Variants in CDC42BPA observed in about 807,000 individuals in gnomAD.
CDC42BPA encodes the protein serine/threonine-protein kinase MRCK alpha.
Under a neutral mutation model 223.5 loss-of-function variants are expected in CDC42BPA, and 80 were observed. The ratio of observed to expected loss-of-function variants is 0.36; its 90% CI spans 0.30 to 0.43. The LOEUF is 0.43. Ranked by LOEUF, CDC42BPA falls within the 20% of genes least tolerant of loss-of-function variation. The pLI is 1.00. For synonymous variants in CDC42BPA, 694 were observed against 718.6 expected (o/e 0.97, Z 0.55); for missense variants, 1,743 against 2,099.9 (o/e 0.83, Z 3.32).
intron 6 of CDC42BPA, among the ~76,000 whole-genome samples, chr1:227,156,889 C>T (rs558462716): frequency 6.6e-6 from 1 of 152,270 alleles, no homozygotes; most frequent in African/African-American, 2.4e-5. Context: ...ATTCCAGATG[C>T]TAAAGCCTCC....
chr1:227,061,487 G>T (rs1288575646), intron 21 of CDC42BPA, among the ~76,000 whole-genome samples: 5 of 152,216 alleles, frequency 3.3e-5, no homozygotes, highest in Admixed American at 3.3e-4. Context: ...GTAGAGCCAG[G>T]ATTCAAAACT....
At chr1:227,140,587 G>GA (rs1659493299) in intron 9 of CDC42BPA, among the ~76,000 whole-genome samples, 1 of 152,002 alleles carries the variant, frequency 6.6e-6, no homozygotes, top group Admixed American at 6.6e-5. Context: ...AGTAAACAAG[G>GA]AAAAATAAAC....
At chr1:227,271,396 A>C (rs77311509) in intron 1 of CDC42BPA, among the ~76,000 whole-genome samples, 7,592 of 152,210 alleles carry the variant, frequency 0.05, 232 homozygotes, top group Non-Finnish European at 0.072. Context: ...CAAAAATATT[A>C]ATCCACTTGG....
At chr1:227,124,956 A>G (rs959354805) in intron 11 of CDC42BPA, among the ~76,000 whole-genome samples, 7 of 152,178 alleles carry the variant, frequency 4.6e-5, no homozygotes, top group African/African-American at 1.7e-4. Flanking sequence ...AATGTGAAGA[A>G]AAAAACTTCC....
chr1:227,065,122 A>AAATAAATAAATAAATAAATT, intron 21 of CDC42BPA, among the ~76,000 whole-genome samples: 1 of 151,760 alleles, frequency 6.6e-6, no homozygotes, highest in African/African-American at 2.4e-5. Flanking sequence ...ATAAATAAAT[A>AAATAAATAAATAAATAAATT]AATTAACTCA....
rs1018726558 is a variant in CDC42BPA at position 227,289,764 on chromosome 1, C to T, written c.178+27241G>A. Among the ~76,000 whole-genome samples, 6 of 152,074 alleles carry T rather than the reference C, an allele frequency of 3.9e-5. No individual in the cohort carries two copies. In the East Asian group the frequency reaches 7.7e-4, roughly 20 times the overall value. On this transcript the variant is annotated intron_variant, in intron 1 of 36. Transcript: ENST00000366766. ...ACAAATCTTAAGGGTACTTATGTTTCGGCGGAAAATAATTTCCAAGTCTTC... is the reference window on the plus strand; with the variant it reads ...ACAAATCTTAAGGGTACTTATGTTTTGGCGGAAAATAATTTCCAAGTCTTC...
chr1:227,252,634 T>A (rs1682219439), intron 2 of CDC42BPA, among the ~76,000 whole-genome samples: 1 of 152,096 alleles, frequency 6.6e-6, no homozygotes, highest in Admixed American at 6.6e-5. Context: ...AAAGATCCTA[T>A]CAACACACAA....
intron 5 of CDC42BPA, among the ~76,000 whole-genome samples, chr1:227,185,133 C>T (rs2150073339): frequency 6.7e-6 from 1 of 149,240 alleles, no homozygotes; most frequent in South Asian, 2.2e-4. Flanking sequence ...CTTTGGAAAT[C>T]TTTTCATCTT....
chr1:227,193,306 C>T (rs576495363), intron 5 of CDC42BPA, among the ~76,000 whole-genome samples: 62 of 152,030 alleles, frequency 4.1e-4, no homozygotes, highest in African/African-American at 1.4e-3. Flanking sequence ...GTAATCTGCC[C>T]GCCTTGACCT....
At chr1:227,165,760 A>T (rs890473728) in intron 5 of CDC42BPA, among the ~76,000 whole-genome samples, 1 of 152,204 alleles carries the variant, frequency 6.6e-6, no homozygotes, top group African/African-American at 2.4e-5. Context: ...AAACATCAAC[A>T]TATCAGGACA....
intron 5 of CDC42BPA, among the ~76,000 whole-genome samples, chr1:227,188,054 G>C (rs1669117574): frequency 1.3e-5 from 2 of 151,954 alleles, no homozygotes; most frequent in Admixed American, 1.3e-4. Context: ...ATCAGAAACA[G>C]AACTATGTAA....
intron 22 of CDC42BPA, among the ~76,000 whole-genome samples, chr1:227,051,620 CTTCTG>C (rs1673539507): frequency 6.6e-6 from 1 of 152,130 alleles, no homozygotes; most frequent in Admixed American, 6.5e-5. Context: ...CATAATTAAT[CTTCTG>C]TTCTACATGG....
chr1:227,012,400 T>C (rs1665399779), intron 34 of CDC42BPA, among the ~76,000 whole-genome samples: 1 of 152,164 alleles, frequency 6.6e-6, no homozygotes, highest in East Asian at 1.9e-4. Flanking sequence ...ATGCTTATAT[T>C]GTCTTGGCTC....
chr1:227,156,220 G>C (rs1293667085), intron 6 of CDC42BPA, among the ~76,000 whole-genome samples: 1 of 151,544 alleles, frequency 6.6e-6, no homozygotes, highest in African/African-American at 2.4e-5. Context: ...GCACCATCAC[G>C]GTCACTGCAG....
intron 5 of CDC42BPA, among the ~76,000 whole-genome samples, chr1:227,179,365 G>A (rs1667507140): frequency 6.6e-6 from 1 of 152,130 alleles, no homozygotes; most frequent in South Asian, 2.1e-4. Context: ...GGCCGGGCAT[G>A]GTGGCTCACG....
At chr1:227,196,338 C>CTTTTTTTTTTTTTTTTGTTT (rs1553388919) in intron 4 of CDC42BPA, among the ~76,000 whole-genome samples, 1 of 92,352 alleles carries the variant, frequency 1.1e-5, no homozygotes. Flanking sequence ...TTAAACAATA[C>CTTTTTTTTTTTTTTTTGTTT]TTTTTTTTTT....
At chr1:227,184,173 C>G (rs1668387840) in intron 5 of CDC42BPA, among the ~76,000 whole-genome samples, 1 of 152,106 alleles carries the variant, frequency 6.6e-6, no homozygotes. Flanking sequence ...CAGGGTCTTT[C>G]ATTGAGCACA....
chr1:227,168,083 G>A (rs958289598), intron 5 of CDC42BPA, among the ~76,000 whole-genome samples: 2 of 151,936 alleles, frequency 1.3e-5, no homozygotes, highest in African/African-American at 4.8e-5. Context: ...CCGCCACTAA[G>A]CCTGGCTAAT....
chr1:227,061,251 A>G (rs984149401), intron 21 of CDC42BPA, among the ~76,000 whole-genome samples: 7 of 152,140 alleles, frequency 4.6e-5, no homozygotes, highest in African/African-American at 1.7e-4. Flanking sequence ...AACAATAAAC[A>G]AATCAACTCC....
Sources: gnomAD v4.1 joint callset for allele counts (sites outside exome capture counted in the v4.1 genomes callset) on GRCh38, gnomAD v4.1.1 for gene constraint, MANE v1.5 for transcripts, NCBI Gene and HGNC (gene_info 2026-07-23, HGNC 2026-07-21) for gene names.